ANKS1B: variants seen among roughly 807,000 people sequenced by gnomAD.
ANKS1B encodes the protein ankyrin repeat and sterile alpha motif domain-containing protein 1B.
A neutral mutation model predicts 148.3 loss-of-function variants in ANKS1B; 36 were observed. The ratio of observed to expected loss-of-function variants is 0.24; its 90% CI spans 0.19 to 0.32. The LOEUF (loss-of-function observed/expected upper bound fraction) is 0.32, where lower values mean the gene tolerates loss of function less well. ANKS1B is among the 10% of genes least tolerant of loss of function. The pLI, the probability that ANKS1B is intolerant of heterozygous loss-of-function variation, is 1.00. For synonymous variants in ANKS1B, 542 were observed against 560.8 expected, an observed-to-expected ratio of 0.97 and a Z score of 0.47; for missense variants, 1,157 against 1,542.6, an observed-to-expected ratio of 0.75 and a Z score of 4.19.
chr12:99,513,786 T>C (rs2096789764), intron 9 of ANKS1B, among the ~76,000 whole-genome samples: 1 of 152,076 alleles, frequency 6.6e-6, no homozygotes, highest in South Asian at 2.1e-4. Flanking sequence ...CCTGAACTGC[T>C]GGAACAACTT....
At chr12:99,480,425 T>G (rs554859082) in intron 10 of ANKS1B, among the ~76,000 whole-genome samples, 168 of 152,068 alleles carry the variant, frequency 1.1e-3, no homozygotes, top group African/African-American at 3.9e-3. Flanking sequence ...AATCTGGATT[T>G]TTGATCTAAT....
chr12:99,934,862 A>G (rs1180093376), intron 1 of ANKS1B, among the ~76,000 whole-genome samples: 1 of 152,174 alleles, frequency 6.6e-6, no homozygotes, highest in East Asian at 1.9e-4. Flanking sequence ...AGATATGTAC[A>G]TAAATGCTTG....
At chr12:99,708,512 T>A (rs551331737) in intron 8 of ANKS1B, among the ~76,000 whole-genome samples, 12 of 152,256 alleles carry the variant, frequency 7.9e-5, no homozygotes, top group South Asian at 2.1e-4. Context: ...AAGGGCTGCC[T>A]CCTCTAGAGG....
chr12:99,088,818 C>A (rs1015456501), intron 15 of ANKS1B, among the ~76,000 whole-genome samples: 2 of 142,346 alleles, frequency 1.4e-5, no homozygotes, highest in African/African-American at 2.6e-5. Flanking sequence ...TAAATGCTAG[C>A]AAATCTCAGT....
At chr12:99,803,472 G>T (rs2067225290) in intron 4 of ANKS1B, among the ~76,000 whole-genome samples, 1 of 152,060 alleles carries the variant, frequency 6.6e-6, no homozygotes, top group African/African-American at 2.4e-5. Flanking sequence ...AATAGAAGAG[G>T]TTATAGCAAC....
At chr12:99,159,644 G>T (rs2076438391) in intron 14 of ANKS1B, among the ~76,000 whole-genome samples, 1 of 152,164 alleles carries the variant, frequency 6.6e-6, no homozygotes, top group South Asian at 2.1e-4. Flanking sequence ...TGAGTACTCA[G>T]GTTGATGCCG....
At chr12:99,468,133 T>C (rs376749139) in intron 10 of ANKS1B, among the ~76,000 whole-genome samples, 16 of 151,970 alleles carry the variant, frequency 1.1e-4, no homozygotes, top group Non-Finnish European at 1.9e-4. Flanking sequence ...GAAATAATGC[T>C]GCATATCTAC....
chr12:99,179,133 A>T (rs2078784656), intron 14 of ANKS1B, among the ~76,000 whole-genome samples: 1 of 151,806 alleles, frequency 6.6e-6, no homozygotes, highest in Non-Finnish European at 1.5e-5. Context: ...TAGGAAGGAT[A>T]TAAATTTAGT....
At position 99,688,749 on chromosome 12, in the gene ANKS1B, A is replaced by G. The variant is rs557910910; in HGVS notation, c.1129-33539T>C. 2.6e-4 allele frequency among the ~76,000 whole-genome samples: 39 copies of G among 152,150 alleles called. No homozygotes were observed. In the South Asian group the frequency reaches 7.9e-3, roughly 31 times the overall value. Reference sequence around the variant, plus strand: ...AGAACTACTTAGAAGGCTGAGGTGGAAGGATTGCTTGAGCCCAGGAGTCCA... The same window carrying G: ...AGAACTACTTAGAAGGCTGAGGTGGGAGGATTGCTTGAGCCCAGGAGTCCA... On this transcript the variant is annotated intron_variant, in intron 8 of 26. Coordinates refer to ENST00000683438, the MANE Select transcript of ANKS1B (RefSeq NM_001352186.2).
intron 9 of ANKS1B, among the ~76,000 whole-genome samples, chr12:99,521,249 C>A (rs2096872112): frequency 6.6e-6 from 1 of 152,258 alleles, no homozygotes; most frequent in Non-Finnish European, 1.5e-5. Context: ...TTATTTCATT[C>A]TCTTTGTTAA....
chr12:99,491,942 C>G (rs921553513), intron 10 of ANKS1B, among the ~76,000 whole-genome samples: 1 of 152,024 alleles, frequency 6.6e-6, no homozygotes, highest in East Asian at 1.9e-4. Context: ...GCATTAAATG[C>G]CCACATCAAA....
intron 12 of ANKS1B, among the ~76,000 whole-genome samples, chr12:99,260,599 C>T (rs1373564095): frequency 1.3e-5 from 2 of 152,188 alleles, no homozygotes; most frequent in African/African-American, 4.8e-5. Flanking sequence ...ATCAACTTTG[C>T]TGTTGCTATG....
At chr12:99,975,710 A>G (rs1376866125) in intron 1 of ANKS1B, among the ~76,000 whole-genome samples, 1 of 152,158 alleles carries the variant, frequency 6.6e-6, no homozygotes, top group Non-Finnish European at 1.5e-5. Flanking sequence ...TAGCTTCTGG[A>G]TATTAGGCCT....
rs139192912 is a variant in ANKS1B at position 99,585,438 on chromosome 12, G to A, written c.1272+69629C>T. On this transcript the variant is annotated intron_variant, in intron 9 of 26. Transcript: ENST00000683438. ...GGCTACTTTCACAGGCCAGCATTGA[G>A]TATCTGTGACTTTTCCAGGCACACA... is the stretch of plus-strand genomic sequence containing the variant. Among the ~76,000 whole-genome samples, 1,020 of 152,300 alleles carry A rather than the reference G, an allele frequency of 6.7e-3. 4 individuals carry two copies. Among genetic ancestry groups the A allele is most frequent in the Non-Finnish European group, 0.012 (785 of 68,014 alleles).
At chr12:99,813,528 A>G (rs2068697401) in intron 2 of ANKS1B, among the ~76,000 whole-genome samples, 1 of 151,600 alleles carries the variant, frequency 6.6e-6, no homozygotes, top group Non-Finnish European at 1.5e-5. Context: ...AAACATTTGG[A>G]GGAAATTTTA....
At chr12:99,236,501 G>A (rs1016074348) in intron 14 of ANKS1B, among the ~76,000 whole-genome samples, 1 of 152,132 alleles carries the variant, frequency 6.6e-6, no homozygotes, top group Non-Finnish European at 1.5e-5. Context: ...CAGGTCTCGT[G>A]AGAACTCACC....
chr12:99,433,951 T>A lies in ANKS1B; in HGVS notation c.1575+9722A>T, dbSNP rs1594743061. ...AGAATCCATATTTTAGTCATTTTCATACTCAAATCACCGCTTAAGATGCCC... is the reference window on the plus strand; with the variant it reads ...AGAATCCATATTTTAGTCATTTTCAAACTCAAATCACCGCTTAAGATGCCC... On this transcript the variant is annotated intron_variant, in intron 11 of 26. Coordinates refer to ENST00000683438, the MANE Select transcript of ANKS1B (RefSeq NM_001352186.2). Among the ~76,000 whole-genome samples, 9 of 152,272 alleles carry A rather than the reference T, an allele frequency of 5.9e-5. No homozygotes were observed. In the South Asian group the frequency reaches 1.9e-3, roughly 32 times the overall value.
At position 99,322,488 on chromosome 12, in the gene ANKS1B, A is replaced by G. The variant is rs184692102; in HGVS notation, c.1757-75624T>C. On this transcript the variant is annotated intron_variant, in intron 12 of 26. Coordinates refer to ENST00000683438, the MANE Select transcript of ANKS1B (RefSeq NM_001352186.2). ...CCTGGAACTTAAAGTAAAAAAAAAA[A>G]AAAAAGAAAAAGAAAAAAATCTCAG... Among the ~76,000 whole-genome samples the G allele has an allele frequency of 3.5e-3, 531 of 151,946 alleles. 7 individuals are homozygous for G. Among genetic ancestry groups the G allele is most frequent in the African/African-American group, 0.012 (490 of 41,464 alleles).
intron 25 of ANKS1B, among the ~76,000 whole-genome samples, chr12:98,753,045 C>G (rs1312013492): frequency 6.6e-6 from 1 of 152,162 alleles, no homozygotes; most frequent in Non-Finnish European, 1.5e-5. Flanking sequence ...GAGGCTTTTG[C>G]TCTCCCTGTG....
Sources: gnomAD v4.1 joint callset for allele counts (sites outside exome capture counted in the v4.1 genomes callset) on GRCh38, gnomAD v4.1.1 for gene constraint, MANE v1.5 for transcripts, NCBI Gene and HGNC (gene_info 2026-07-23, HGNC 2026-07-21) for gene names.